Variants in APOBEC3B observed in about 807,000 individuals in gnomAD.
The protein encoded by APOBEC3B is DNA dC->dU-editing enzyme APOBEC-3B.
APOBEC3B carries 29 observed loss-of-function variants against 53.4 expected under a neutral mutation model. The observed-to-expected ratio is 0.54, with a 90% CI of 0.40 to 0.74. The LOEUF (loss-of-function observed/expected upper bound fraction) is 0.74, where lower values mean the gene tolerates loss of function less well. APOBEC3B is among the 30% of genes least tolerant of loss of function. APOBEC3B has a pLI of 0.00. For synonymous variants in APOBEC3B, 132 were observed against 184.8 expected, an observed-to-expected ratio of 0.71 and a Z score of 2.32; for missense variants, 347 against 496.2, an observed-to-expected ratio of 0.70 and a Z score of 2.86.
Position 38,992,105 on chromosome 22 carries a change from G to T in APOBEC3B, c.1090G>T (p.Glu364Ter). 2 of 1,592,868 alleles carry T rather than the reference G, an allele frequency of 1.3e-6. 1 individual carries two copies. Among genetic ancestry groups the T allele is most frequent in the Non-Finnish European group, 1.7e-6 (2 of 1,172,482 alleles). Residue 364 changes from glutamate (E) to a stop codon, truncating the protein, a stop_gained, in exon 7 of 8, where the codon GAG becomes TAG. Transcript: ENST00000333467. LOFTEE classifies it low-confidence loss of function (END_TRUNC). ...CPFQPWDGLE[E>*]HSQALSGRLR... ...CTTCCAGCCCTGGGATGGACTAGAG[G>T]AGCACAGCCAAGCCCTGAGTGGGAG...
rs183280533 is a variant in APOBEC3B at position 38,983,633 on chromosome 22, C to T, written c.18-442C>T. Among the ~76,000 whole-genome samples, 4 of 149,240 alleles carry T rather than the reference C, an allele frequency of 2.7e-5. No homozygotes were observed. In the East Asian group the frequency reaches 9.0e-4, roughly 33 times the overall value. ...CACGTGAGCTCACACCCGCTCAGCA[C>T]TTAGAAGAGTGGCCTGGGCCTCAGA... On this transcript the variant is annotated intron_variant, in intron 1 of 7. Coordinates refer to ENST00000333467, the MANE Select transcript of APOBEC3B (RefSeq NM_004900.5).
chr22:38,989,605 A>G lies in APOBEC3B; in HGVS notation c.718A>G (p.Asn240Asp), dbSNP rs1923908382. 1 of 1,568,554 alleles carries G rather than the reference A, an allele frequency of 6.4e-7. No individual in the cohort carries two copies. Among genetic ancestry groups the G allele is most frequent in the South Asian group, 1.1e-5 (1 of 86,978 alleles). Reference protein sequence around the residue: ...LMDQHMGFLCNEAKNLLCGFY... With the variant: ...LMDQHMGFLCDEAKNLLCGFY... ...GGACCAGCACATGGGCTTTCTATGC[A>G]ACGAGGTGACCGACCCAGCCACCTG... Residue 240 changes from asparagine to aspartate, a missense_variant, in exon 5 of 8, where the codon AAC becomes GAC. Asn to Asp is a conservative substitution (Grantham distance 23). This residue lies in a region of APOBEC3B where 156 missense variants were observed against 166.7 expected (regional missense o/e 0.94). Transcript: ENST00000333467.
At position 38,992,650 on chromosome 22, in the gene APOBEC3B, G is replaced by A; in HGVS notation, c.*205G>A. 1.4e-6 allele frequency: 2 copies of A among 1,383,278 alleles called. No individual in the cohort carries two copies. The highest frequency in any genetic ancestry group is 1.5e-5 in the South Asian group (1 of 66,926). The allele number at this position is 1,383,278 out of a possible 1,614,324, so 85.7% of individuals were successfully genotyped here. ...ATTGAAAATTTCTCTTATGTTCCAA[G>A]TGTACAAGAGTAAGATTATGCTCAA... On this transcript the variant is annotated 3_prime_UTR_variant, in exon 8 of 8. Transcript: ENST00000333467.
rs1236656822 is a variant in APOBEC3B, at chr22:38,982,369, T to C, written c.-85T>C. On this transcript the variant is annotated 5_prime_UTR_variant, in exon 1 of 8. Transcript: ENST00000333467. ...GTCACTTTAAGGAGGGCTGTCCAACTGCAAGGACGCTGTAAGCAGGAAGTG... is the reference window on the plus strand; with the variant it reads ...GTCACTTTAAGGAGGGCTGTCCAACCGCAAGGACGCTGTAAGCAGGAAGTG... The C allele has an allele frequency of 3.2e-6, 5 of 1,559,022 alleles. 1 individual carries two copies. In the African/African-American group the frequency reaches 5.4e-5, roughly 17 times the overall value.
rs113404501 is a variant in APOBEC3B, at chr22:38,988,027, G to A, written c.570-1430G>A. Among the ~76,000 whole-genome samples, 88 of 148,594 alleles carry A rather than the reference G, an allele frequency of 5.9e-4. 10 individuals carry two copies. The Middle Eastern group carries it at 0.017, about 29-fold the overall frequency. On this transcript the variant is annotated intron_variant, in intron 4 of 7. Coordinates refer to ENST00000333467, the MANE Select transcript of APOBEC3B (RefSeq NM_004900.5). Reference sequence around the variant, plus strand: ...GCAGGAGAATCGCTTGAACCCGGGAGGGACAGCAGTGCTGGTCACGGAAAC... The same window carrying A: ...GCAGGAGAATCGCTTGAACCCGGGAAGGACAGCAGTGCTGGTCACGGAAAC...
At position 38,982,553 on chromosome 22, in the gene APOBEC3B, C is replaced by G. The variant is rs1453618643; in HGVS notation, c.17+83C>G. 2.0e-6 allele frequency: 3 copies of G among 1,510,782 alleles called. No homozygotes were observed. The African/African-American group carries it at 4.1e-5, about 21-fold the overall frequency. 93.6% of individuals were successfully genotyped at this position (1,510,782 alleles called of 1,614,324 possible). On this transcript the variant is annotated intron_variant, in intron 1 of 7. Transcript: ENST00000333467. ...TGCTGGGCCTCAACCCTGGCCTCCCCCCGCCCCTGCCCCAGCCCTGGGCTC... is the reference window on the plus strand; with the variant it reads ...TGCTGGGCCTCAACCCTGGCCTCCCGCCGCCCCTGCCCCAGCCCTGGGCTC...
rs1924049055 is a variant in APOBEC3B at position 38,992,452 on chromosome 22, G to A, written c.*7G>A. On this transcript the variant is annotated 3_prime_UTR_variant, in exon 8 of 8. Coordinates refer to ENST00000333467, the MANE Select transcript of APOBEC3B (RefSeq NM_004900.5). Reference sequence around the variant, plus strand: ...CCAGAATCAGGGAAACTGAAGGATGGGCCTCAGTCTCTAAGGAAGGCAGAG... The same window carrying A: ...CCAGAATCAGGGAAACTGAAGGATGAGCCTCAGTCTCTAAGGAAGGCAGAG... The A allele has an allele frequency of 6.3e-7, 1 of 1,592,292 alleles. No homozygotes were observed. Among genetic ancestry groups the A allele is most frequent in the Middle Eastern group, 1.7e-4 (1 of 6,010 alleles).
intron 6 of APOBEC3B, 59 bp from the exon 7 acceptor site, chr22:38,991,975 C>G: frequency 6.7e-7 from 1 of 1,496,302 alleles, no homozygotes; most frequent in Non-Finnish European, 8.9e-7. Context: ...GTCATGGGCC[C>G]TTGGTGCTGC....
Position 38,990,825 on chromosome 22 carries a change from C to T in APOBEC3B, c.724-507C>T, listed in dbSNP as rs887976543. ...CAGGCCAATGACCTTGGGGCTCCGCCGGCCCCTCCTCCCTGCCCCCATCTC... is the reference window on the plus strand; with the variant it reads ...CAGGCCAATGACCTTGGGGCTCCGCTGGCCCCTCCTCCCTGCCCCCATCTC... On this transcript the variant is annotated intron_variant, in intron 5 of 7. Coordinates refer to ENST00000333467, the MANE Select transcript of APOBEC3B (RefSeq NM_004900.5). Among the ~76,000 whole-genome samples the T allele has an allele frequency of 4.8e-5, 7 of 145,570 alleles. 1 individual carries two copies. In the East Asian group the frequency reaches 9.2e-4, roughly 19 times the overall value.
intron 6 of APOBEC3B, 98 bp downstream of exon 6, chr22:38,991,724 G>A (rs144185478): frequency 0.03 from 40,398 of 1,352,124 alleles, 1,910 homozygotes; most frequent in Non-Finnish European, 0.032. Flanking sequence ...CTGCAGAAAC[G>A]ATGGCTGGAC....
At chr22:38,990,836 C>T (rs1179198720) in intron 5 of APOBEC3B, among the ~76,000 whole-genome samples, 2 of 145,872 alleles carry the variant, frequency 1.4e-5, no homozygotes. Flanking sequence ...GGCCCCTCCT[C>T]CCTGCCCCCA....
chr22:38,988,683 C>CTCTCTTTCTCTCCTTCTTTCTT (rs1555894372), intron 4 of APOBEC3B, among the ~76,000 whole-genome samples: 8 of 47,494 alleles, frequency 1.7e-4, no homozygotes, highest in African/African-American at 7.2e-4. Flanking sequence ...TTCTCTCTTT[C>CTCTCTTTCTCTCCTTCTTTCTT]TCTTTCTTTC....
At chr22:38,983,759 G>A (rs1009393823) in intron 1 of APOBEC3B, among the ~76,000 whole-genome samples, 1 of 149,128 alleles carries the variant, frequency 6.7e-6, no homozygotes, top group African/African-American at 2.4e-5. Context: ...AGGGGTGAAG[G>A]GTTTTATTCT....
Position 38,984,917 on chromosome 22 carries a change from T to TC in APOBEC3B, c.174+688dup, listed in dbSNP as rs1418781234. The stretch of plus-strand genomic sequence containing the variant: ...TTCCTTTTTTTTTTTTTTTTTTTTT[T>TC]CCGAGATGGAGTCTCGCTCTGGCAC... On this transcript the variant is annotated intron_variant, in intron 2 of 7. Transcript: ENST00000333467. Among the ~76,000 whole-genome samples, 2 of 105,994 alleles carry TC rather than the reference T, an allele frequency of 1.9e-5. 1 individual carries two copies. The highest frequency in any genetic ancestry group is 7.1e-4 in the South Asian group (2 of 2,828). The allele number at this position is 105,994 out of a possible 152,430, so 69.5% of individuals were successfully genotyped here. A position where few individuals can be genotyped will look rare whatever the true frequency, so the allele number is the denominator to read the frequency against.
chr22:38,985,675 CA>C (rs1923703129), intron 2 of APOBEC3B, 136 bp from the exon 3 acceptor site: 1 of 757,470 alleles, frequency 1.3e-6, no homozygotes, highest in African/African-American at 1.8e-5. Flanking sequence ...TCAAACTAAA[CA>C]GGGGGGATGG....
At chr22:38,984,895 CTTTTTTTTTTTTT>C (rs11308471) in intron 2 of APOBEC3B, among the ~76,000 whole-genome samples, 2 of 84,836 alleles carry the variant, frequency 2.4e-5, no homozygotes, top group Admixed American at 2.9e-4. Flanking sequence ...TCTTTTTTTC[CTTTTTTTTTTTTT>C]TTTTTTTTTC....
intron 1 of APOBEC3B, among the ~76,000 whole-genome samples, chr22:38,983,123 C>T (rs1374288574): frequency 6.8e-6 from 1 of 147,956 alleles, no homozygotes; most frequent in Non-Finnish European, 1.5e-5. Flanking sequence ...TTGAGACCAA[C>T]CTGGCCCATA....
intron 4 of APOBEC3B, among the ~76,000 whole-genome samples, chr22:38,987,924 T>C (rs1923806985): frequency 1.3e-5 from 2 of 148,150 alleles, no homozygotes; most frequent in African/African-American, 2.5e-5. Context: ...TGGCAAAACC[T>C]CCTCTCTACT....
Position 38,984,191 on chromosome 22 carries a change from G to A in APOBEC3B, c.134G>A (p.Arg45His), listed in dbSNP as rs145424338. The change falls in exon 2 of 8, where the codon CGC becomes CAC. Residue 45 changes from arginine (R) to histidine (H), a missense_variant. This residue lies in a region of APOBEC3B where 73 missense variants were observed against 90.9 expected (regional missense o/e 0.80). Coordinates refer to ENST00000333467, the MANE Select transcript of APOBEC3B (RefSeq NM_004900.5). ...LCYEVKIKRG[R>H]SNLLWDTGVF... is the part of the protein sequence containing the mutation. ...TATGAAGTGAAAATAAAGAGGGGCC[G>A]CTCAAATCTCCTTTGGGACACAGGG... The A allele has an allele frequency of 5.2e-5, 83 of 1,592,450 alleles. 4 individuals are homozygous for A. Among genetic ancestry groups the A allele is most frequent in the Admixed American group, 2.3e-4 (13 of 55,872 alleles).
Sources: allele counts gnomAD v4.1 joint callset (sites outside exome capture counted in the v4.1 genomes callset), GRCh38; gene constraint gnomAD v4.1.1; regional missense constraint gnomAD v4.1.1; transcripts MANE v1.5; gene names NCBI Gene and HGNC (gene_info 2026-07-23, HGNC 2026-07-21).